Variants in ADGRL2 observed in about 807,000 individuals in gnomAD.
ADGRL2 encodes adhesion G protein-coupled receptor L2.
In ADGRL2, 44 loss-of-function variants were observed where a neutral mutation model predicts 157.4. That is an observed-to-expected ratio of 0.28 (90% confidence interval 0.22 to 0.36). The LOEUF (loss-of-function observed/expected upper bound fraction) is 0.36, where lower values mean the gene tolerates loss of function less well. ADGRL2 is among the 10% of genes least tolerant of loss of function. The pLI is 1.00. For synonymous variants in ADGRL2, 585 were observed against 624.7 expected, an observed-to-expected ratio of 0.94 and a Z score of 0.95; for missense variants, 1,510 against 1,768.9, an observed-to-expected ratio of 0.85 and a Z score of 2.63.
chr1:81,384,010 A>G (rs1254739297), intron 1 of ADGRL2, among the ~76,000 whole-genome samples: 2 of 151,964 alleles, frequency 1.3e-5, no homozygotes, highest in African/African-American at 2.4e-5. Context: ...AATTTGGTAC[A>G]TATTTGGAGA....
At chr1:81,955,853 A>T in intron 10 of ADGRL2, 24 bp from the exon 11 acceptor site, 1 of 1,485,618 alleles carries the variant, frequency 6.7e-7, no homozygotes, top group South Asian at 1.3e-5. Context: ...GTCAAAACTA[A>T]TGATAGTTTT....
At chr1:81,503,825 C>G (rs895242124) in intron 2 of ADGRL2, among the ~76,000 whole-genome samples, 1 of 152,188 alleles carries the variant, frequency 6.6e-6, no homozygotes, top group African/African-American at 2.4e-5. Context: ...CTCCATTTCC[C>G]TCCCCTTTTA....
At chr1:81,467,167 C>T (rs955064241) in intron 2 of ADGRL2, among the ~76,000 whole-genome samples, 2 of 152,068 alleles carry the variant, frequency 1.3e-5, no homozygotes, top group Non-Finnish European at 2.9e-5. Context: ...ATGGCCCTTG[C>T]TGTATATACA....
At chr1:81,739,640 T>C (rs1402530574) in intron 1 of ADGRL2, among the ~76,000 whole-genome samples, 5 of 152,168 alleles carry the variant, frequency 3.3e-5, no homozygotes, top group Admixed American at 2.6e-4. Flanking sequence ...ATAATTAAAA[T>C]AAAGCAGATA....
At chr1:81,744,898 A>G (rs1347895403) in intron 1 of ADGRL2, among the ~76,000 whole-genome samples, 1 of 152,190 alleles carries the variant, frequency 6.6e-6, no homozygotes, top group Non-Finnish European at 1.5e-5. Context: ...AGAGATGACA[A>G]TGTTTCATTG....
chr1:81,642,514 T>C (rs969162271), intron 3 of ADGRL2, among the ~76,000 whole-genome samples: 1 of 151,850 alleles, frequency 6.6e-6, no homozygotes, highest in Non-Finnish European at 1.5e-5. Context: ...AATAGTCCTA[T>C]ATCTATTAAA....
At chr1:81,737,412 A>G (rs1158965452) in intron 1 of ADGRL2, among the ~76,000 whole-genome samples, 1 of 152,132 alleles carries the variant, frequency 6.6e-6, no homozygotes, top group African/African-American at 2.4e-5. Flanking sequence ...TTAAACAACC[A>G]GATCTTGTGA....
chr1:81,318,928 C>CTTTTTTTTTTT (rs397980625), intron 1 of ADGRL2, among the ~76,000 whole-genome samples: 3 of 45,830 alleles, frequency 6.5e-5, no homozygotes, highest in African/African-American at 9.6e-5. Flanking sequence ...TCCATCAATT[C>CTTTTTTTTTTT]TTTTTTTTTT....
At position 81,984,406 on chromosome 1, in the gene ADGRL2, G is replaced by T. The variant is rs922875665; in HGVS notation, c.3283-177G>T. On this transcript the variant is annotated intron_variant, in intron 19 of 23. Transcript: ENST00000686636. ...GTCTAGTGGACAGAGATACTTTTCT[G>T]ATTACTATTTCAGTAATTTTAATTG... The T allele has an allele frequency of 2.4e-5, 13 of 550,440 alleles. 1 individual carries two copies. The highest frequency in any genetic ancestry group is 5.0e-4 in the Middle Eastern group (1 of 1,996). The allele number at this position is 550,440 out of a possible 1,614,324, so 34.1% of individuals were successfully genotyped here.
chr1:81,360,758 GAGGA>G (rs1570722999), intron 1 of ADGRL2, among the ~76,000 whole-genome samples: 1 of 151,860 alleles, frequency 6.6e-6, no homozygotes, highest in South Asian at 2.1e-4. Flanking sequence ...AAAAGGAAGA[GAGGA>G]AGGAAGAAAA....
chr1:81,805,626 T>TC (rs552117285), intron 1 of ADGRL2, among the ~76,000 whole-genome samples: 1 of 151,882 alleles, frequency 6.6e-6, no homozygotes, highest in African/African-American at 2.4e-5. Flanking sequence ...GGTTTTTTTT[T>TC]CTGTGCCATT....
At chr1:81,974,644 T>G (rs1659658073) in intron 17 of ADGRL2, among the ~76,000 whole-genome samples, 1 of 152,152 alleles carries the variant, frequency 6.6e-6, no homozygotes, top group Non-Finnish European at 1.5e-5. Context: ...TTCTTCTGTC[T>G]TATCATATCC....
At chr1:81,571,270 A>G (rs2080682886) in intron 2 of ADGRL2, among the ~76,000 whole-genome samples, 1 of 151,326 alleles carries the variant, frequency 6.6e-6, no homozygotes, top group South Asian at 2.1e-4. Context: ...GGTTGCAGTG[A>G]GCCAAGATCA....
intron 2 of ADGRL2, among the ~76,000 whole-genome samples, chr1:81,470,149 A>G (rs575059936): frequency 1.3e-5 from 2 of 152,356 alleles, no homozygotes; most frequent in Admixed American, 1.3e-4. Context: ...GTACTGCATC[A>G]GAATCATCCA....
At chr1:81,829,132 G>C (rs192833889) in intron 1 of ADGRL2, among the ~76,000 whole-genome samples, 1 of 151,912 alleles carries the variant, frequency 6.6e-6, no homozygotes, top group Non-Finnish European at 1.5e-5. Context: ...AGCTGGTCTC[G>C]AACTCCTGAC....
rs186408979 is a variant in ADGRL2 at position 81,677,871 on chromosome 1, G to A, written c.-142-83940G>A. ...GAATTTAATCTCCCTAAAGTGACACGCAAGGGACTTCATCACTAAGGAGTT... is the reference window on the plus strand; with the variant it reads ...GAATTTAATCTCCCTAAAGTGACACACAAGGGACTTCATCACTAAGGAGTT... On this transcript the variant is annotated intron_variant, in intron 3 of 24. Transcript: ENST00000370721. Among the ~76,000 whole-genome samples, 350 of 152,190 alleles carry A rather than the reference G, an allele frequency of 2.3e-3. 2 individuals are homozygous for A. The highest frequency in any genetic ancestry group is 8.0e-3 in the African/African-American group (331 of 41,534).
intron 1 of ADGRL2, among the ~76,000 whole-genome samples, chr1:81,823,524 G>A (rs957868497): frequency 2.6e-5 from 4 of 151,988 alleles, no homozygotes; most frequent in African/African-American, 9.7e-5. Context: ...TCACTGGTAA[G>A]GTAGCACTGA....
intron 3 of ADGRL2, among the ~76,000 whole-genome samples, chr1:81,668,769 C>T (rs948963007): frequency 1.3e-5 from 2 of 151,824 alleles, no homozygotes; most frequent in Admixed American, 1.3e-4. Flanking sequence ...TGGGTTTCAC[C>T]ATGTTGGCCA....
At chr1:81,556,805 C>A (rs189754470) in intron 2 of ADGRL2, among the ~76,000 whole-genome samples, 1 of 151,792 alleles carries the variant, frequency 6.6e-6, no homozygotes, top group Non-Finnish European at 1.5e-5. Context: ...AGGCCAGGCG[C>A]GGTGGTTCAC....
Sources: gnomAD v4.1 joint callset for allele counts (sites outside exome capture counted in the v4.1 genomes callset) on GRCh38, gnomAD v4.1.1 for gene constraint, MANE v1.5 for transcripts, NCBI Gene and HGNC (gene_info 2026-07-23, HGNC 2026-07-21) for gene names.